Variants in SNX27 observed in about 807,000 individuals in gnomAD.
SNX27 encodes sorting nexin 27.
A neutral mutation model predicts 71.6 loss-of-function variants in SNX27; 22 were observed. That is an observed-to-expected ratio of 0.31 (90% CI 0.22 to 0.44). SNX27 has a LOEUF of 0.44. Ranked by LOEUF, SNX27 falls within the 20% of genes least tolerant of loss-of-function variation. The pLI is 1.00. For synonymous variants in SNX27, 269 were observed against 277.2 expected (o/e 0.97, Z 0.29); for missense variants, 531 against 698.6 (o/e 0.76, Z 2.70).
chr1:151,660,651 C>CAA, intron 3 of SNX27, 147 bp from the exon 4 acceptor site: 1 of 619,958 alleles, frequency 1.6e-6, no homozygotes, highest in Admixed American at 2.7e-5. Flanking sequence ...ATCTTATATA[C>CAA]CAGACATGGT....
At chr1:151,640,298 C>A (rs1180510938) in intron 2 of SNX27, among the ~76,000 whole-genome samples, 2 of 152,114 alleles carry the variant, frequency 1.3e-5, no homozygotes, top group Non-Finnish European at 2.9e-5. Context: ...GATGTTGAGA[C>A]CTTTTGGGAA....
At chr1:151,675,538 C>T (rs1177232320) in intron 7 of SNX27, among the ~76,000 whole-genome samples, 1 of 150,430 alleles carries the variant, frequency 6.6e-6, no homozygotes, top group African/African-American at 2.4e-5. Context: ...GTTATTTGTT[C>T]CAGAGTTTTT....
At position 151,638,571 on chromosome 1, in the gene SNX27, T is replaced by C. The variant is rs146305955; in HGVS notation, c.312-317T>C. 2.1e-3 allele frequency among the ~76,000 whole-genome samples: 317 copies of C among 152,310 alleles called. 2 individuals carry two copies. Among genetic ancestry groups the C allele is most frequent in the African/African-American group, 7.2e-3 (298 of 41,570 alleles). On this transcript the variant is annotated intron_variant, in intron 1 of 11. Transcript: ENST00000458013. ...GCTTAGTTAGAATGAGGAAATTGGA[T>C]TGTTTGACTGAAAAAGCTTTGTTTC...
chr1:151,612,052 C>A lies in SNX27; in HGVS notation c.-150C>A. On this transcript the variant is annotated 5_prime_UTR_variant, in exon 1 of 12. Transcript: ENST00000458013. The surrounding 1 kb of genome is among the most constrained non-coding windows in gnomAD (Gnocchi z 5.2). ...CGCCCGCCCCCTGCCTCCTCTTCAC[C>A]CCGCGCCAGCAGCTCGGTGGCCGAG... 1.1e-6 allele frequency: 1 copy of A among 875,806 alleles called. No homozygotes were observed. The highest frequency in any genetic ancestry group is 1.6e-6 in the Non-Finnish European group (1 of 644,570). The allele number at this position is 875,806 out of a possible 1,614,324, so 54.3% of individuals were successfully genotyped here.
chr1:151,621,640 TAAAG>T (rs1477187508), intron 1 of SNX27, among the ~76,000 whole-genome samples: 1 of 152,230 alleles, frequency 6.6e-6, no homozygotes, highest in African/African-American at 2.4e-5. Flanking sequence ...TGATTACTCT[TAAAG>T]AACTTTCAAT....
chr1:151,631,365 A>T (rs1668225602), intron 1 of SNX27, among the ~76,000 whole-genome samples: 1 of 152,198 alleles, frequency 6.6e-6, no homozygotes. Flanking sequence ...AAAGCTCTGT[A>T]TAATTGAGGA....
chr1:151,688,335 C>A (rs1055978680), intron 8 of SNX27, among the ~76,000 whole-genome samples: 1 of 152,058 alleles, frequency 6.6e-6, no homozygotes, highest in African/African-American at 2.4e-5. Context: ...TGTAAACATG[C>A]TTAAAAGCAA....
At position 151,612,176 on chromosome 1, in the gene SNX27, G is replaced by T. The variant is rs1571740792; in HGVS notation, c.-26G>T. 7.5e-7 allele frequency: 1 copy of T among 1,324,976 alleles called. No homozygotes were observed. The allele number at this position is 1,324,976 out of a possible 1,614,324, so 82.1% of individuals were successfully genotyped here. A position where few individuals can be genotyped will look rare whatever the true frequency, so the allele number is the denominator to read the frequency against. ...GGGAGGCCTTGGAGGCGTAGGGGGC[G>T]GGGGTACGGCTCGCCTGCTCGCAAG... is the stretch of plus-strand genomic sequence containing the variant. On this transcript the variant is annotated 5_prime_UTR_variant, in exon 1 of 12. Coordinates refer to ENST00000458013, the MANE Select transcript of SNX27 (RefSeq NM_001330723.2). The surrounding 1 kb of genome is among the most constrained non-coding windows in gnomAD (Gnocchi z 5.2).
chr1:151,663,784 C>T (rs1003049384), intron 5 of SNX27, among the ~76,000 whole-genome samples: 6 of 152,068 alleles, frequency 3.9e-5, no homozygotes, highest in African/African-American at 1.2e-4. Flanking sequence ...TGAGGTTAAC[C>T]AGTAGGTTTA....
At chr1:151,649,198 G>A (rs1466480967) in intron 2 of SNX27, among the ~76,000 whole-genome samples, 1 of 152,062 alleles carries the variant, frequency 6.6e-6, no homozygotes. Flanking sequence ...CTGACCTCGT[G>A]ATCCACCCGC....
intron 8 of SNX27, among the ~76,000 whole-genome samples, chr1:151,690,006 G>A (rs912230528): frequency 6.6e-6 from 1 of 151,988 alleles, no homozygotes; most frequent in African/African-American, 2.4e-5. Context: ...ATGCCACTAT[G>A]CCTGGCTAAT....
intron 2 of SNX27, 145 bp downstream of exon 2, chr1:151,639,264 G>T: frequency 3.1e-6 from 2 of 654,334 alleles, no homozygotes; most frequent in South Asian, 4.2e-5. Flanking sequence ...ATAAATAAAA[G>T]ACACTGACCC....
chr1:151,617,061 T>C (rs1481096716), intron 1 of SNX27, among the ~76,000 whole-genome samples: 2 of 152,136 alleles, frequency 1.3e-5, no homozygotes, highest in African/African-American at 2.4e-5. Flanking sequence ...AAATAGTGAA[T>C]TGTTAGGCTC....
At chr1:151,632,583 C>T (rs1174436690) in intron 1 of SNX27, among the ~76,000 whole-genome samples, 1 of 152,140 alleles carries the variant, frequency 6.6e-6, no homozygotes, top group African/African-American at 2.4e-5. Context: ...TTTTCATTAC[C>T]TCCATGAAAT....
chr1:151,630,750 T>C (rs1009369782), intron 1 of SNX27, among the ~76,000 whole-genome samples: 1 of 152,104 alleles, frequency 6.6e-6, no homozygotes, highest in Non-Finnish European at 1.5e-5. Context: ...AGAATATTCT[T>C]CGGCCGGGCA....
At chr1:151,643,623 A>G (rs1176604384) in intron 2 of SNX27, among the ~76,000 whole-genome samples, 1 of 151,668 alleles carries the variant, frequency 6.6e-6, no homozygotes, top group Non-Finnish European at 1.5e-5. Context: ...TGATTTATAT[A>G]CCATACGTTC....
chr1:151,674,456 A>G lies in SNX27; in HGVS notation c.1149+5821A>G, dbSNP rs1003271744. ...TTACTTTTGATTGGTTCATCAAACC[A>G]TGTTTGATGTTTTTTTATTTTGAAG... On this transcript the variant is annotated intron_variant, in intron 7 of 11. Transcript: ENST00000458013. Among the ~76,000 whole-genome samples, 8 of 152,216 alleles carry G rather than the reference A, an allele frequency of 5.3e-5. No homozygotes were observed. In the East Asian group the frequency reaches 9.7e-4, roughly 18 times the overall value.
chr1:151,655,952 C>A (rs1170507514), intron 2 of SNX27, among the ~76,000 whole-genome samples: 2 of 152,066 alleles, frequency 1.3e-5, no homozygotes, highest in Non-Finnish European at 2.9e-5. Context: ...TGGCCGGACA[C>A]GGGTCTCACA....
chr1:151,666,141 A>C lies in SNX27; in HGVS notation c.985+130A>C, dbSNP rs1670179108. The C allele has an allele frequency of 7.1e-6, 4 of 561,516 alleles. No individual in the cohort carries two copies. In the East Asian group the frequency reaches 1.2e-4, roughly 17 times the overall value. 34.8% of individuals were successfully genotyped at this position (561,516 alleles called of 1,614,324 possible). A position where few individuals can be genotyped will look rare whatever the true frequency, so the allele number is the denominator to read the frequency against. ...ACTGTCTCTAACAATCAGACCAAGCATATCCCATTAAACTCAGGTCATAAG... is the reference window on the plus strand; with the variant it reads ...ACTGTCTCTAACAATCAGACCAAGCCTATCCCATTAAACTCAGGTCATAAG... On this transcript the variant is annotated intron_variant, in intron 6 of 11. Transcript: ENST00000458013.
Sources: gnomAD v4.1 joint callset for allele counts (sites outside exome capture counted in the v4.1 genomes callset) on GRCh38, gnomAD v4.1.1 for gene constraint, Gnocchi (gnomAD v3.1) non-coding constraint, MANE v1.5 for transcripts, NCBI Gene and HGNC (gene_info 2026-07-23, HGNC 2026-07-21) for gene names.